ZRANB3: variants seen among roughly 807,000 people sequenced by gnomAD.
ZRANB3 encodes the protein zinc finger RANBP2-type containing 3.
Under a neutral mutation model 133.8 loss-of-function variants are expected in ZRANB3, and 125 were observed. The observed-to-expected ratio is 0.93, with a 90% CI of 0.81 to 1.08. The LOEUF (loss-of-function observed/expected upper bound fraction) is 1.08. ZRANB3 is among the 50% of genes least tolerant of loss of function. ZRANB3 has a pLI of 0.00. For missense variants in ZRANB3, 1,229 were observed against 1,275.5 expected, an observed-to-expected ratio of 0.96 and a Z score of 0.56; for synonymous variants, 387 against 432.7, an observed-to-expected ratio of 0.89 and a Z score of 1.31.
At chr2:135,418,262 G>A (rs193125908) in intron 2 of ZRANB3, among the ~76,000 whole-genome samples, 9 of 152,296 alleles carry the variant, frequency 5.9e-5, no homozygotes, top group African/African-American at 2.2e-4. Flanking sequence ...TGTAGGTTAT[G>A]TGCAAATACT....
At chr2:135,379,164 A>C (rs1277003426) in intron 3 of ZRANB3, among the ~76,000 whole-genome samples, 1 of 152,188 alleles carries the variant, frequency 6.6e-6, no homozygotes, top group Non-Finnish European at 1.5e-5. Flanking sequence ...AATTCTATAA[A>C]TCTAAAATTG....
chr2:135,275,596 T>C (rs1194056462), intron 9 of ZRANB3, 40 bp downstream of exon 9: 2 of 1,515,360 alleles, frequency 1.3e-6, no homozygotes, highest in South Asian at 1.3e-5. Context: ...AGTAAAAATA[T>C]GCATTCTAAA....
At chr2:135,448,529 G>C (rs1690130608) in intron 2 of ZRANB3, among the ~76,000 whole-genome samples, 1 of 152,074 alleles carries the variant, frequency 6.6e-6, no homozygotes, top group Non-Finnish European at 1.5e-5. Flanking sequence ...CAAAACACAA[G>C]AAATAGGAGT....
chr2:135,246,178 ACAGGT>A (rs1240749965), intron 12 of ZRANB3, among the ~76,000 whole-genome samples: 2 of 150,770 alleles, frequency 1.3e-5, no homozygotes, highest in Non-Finnish European at 2.9e-5. Context: ...TGCTGGGATT[ACAGGT>A]GTGAGCCACA....
rs555391811 is a variant in ZRANB3, at chr2:135,254,655, A to G, written c.1539+10879T>C. 1.7e-4 allele frequency among the ~76,000 whole-genome samples: 26 copies of G among 152,304 alleles called. No homozygotes were observed. The South Asian group carries it at 5.2e-3, about 30-fold the overall frequency. ...AAACAGCTTTATTGAGATATAATCC[A>G]TATACCATAAAATTCACCCTTTTAT... is the stretch of plus-strand genomic sequence containing the variant. On this transcript the variant is annotated intron_variant, in intron 12 of 20. Transcript: ENST00000264159.
intron 17 of ZRANB3, among the ~76,000 whole-genome samples, chr2:135,215,892 C>A (rs983913350): frequency 3.3e-5 from 5 of 152,138 alleles, no homozygotes; most frequent in African/African-American, 7.2e-5. Context: ...CCACTAGATA[C>A]CCCCTAGTCA....
chr2:135,504,595 A>C, intron 1 of ZRANB3, 99 bp from the exon 2 acceptor site: 1 of 1,084,758 alleles, frequency 9.2e-7, no homozygotes, highest in Non-Finnish European at 1.3e-6. Flanking sequence ...AGTACTTATA[A>C]ATAGCTTTGA....
chr2:135,386,791 A>G (rs1160231743), intron 3 of ZRANB3, among the ~76,000 whole-genome samples: 1 of 152,106 alleles, frequency 6.6e-6, no homozygotes, highest in African/African-American at 2.4e-5. Context: ...GAACTGAACA[A>G]TGACAACAAT....
chr2:135,414,304 C>T (rs1380151242), intron 2 of ZRANB3, among the ~76,000 whole-genome samples: 10 of 152,048 alleles, frequency 6.6e-5, no homozygotes, highest in Admixed American at 3.3e-4. Flanking sequence ...GGTTGCAATC[C>T]TAGTCTCGGA....
chr2:135,306,047 T>A (rs1682676932), intron 8 of ZRANB3, among the ~76,000 whole-genome samples: 1 of 152,238 alleles, frequency 6.6e-6, no homozygotes, highest in South Asian at 2.1e-4. Context: ...GACAACAATG[T>A]GCCTTGCAGA....
intron 12 of ZRANB3, among the ~76,000 whole-genome samples, chr2:135,239,214 A>C (rs1003713126): frequency 6.6e-6 from 1 of 152,270 alleles, no homozygotes; most frequent in South Asian, 2.1e-4. Flanking sequence ...ATTCATAAAA[A>C]CAGAAAGATT....
intron 5 of ZRANB3, among the ~76,000 whole-genome samples, 162 bp from the exon 6 acceptor site, chr2:135,345,797 G>A (rs761649388): frequency 4.0e-5 from 6 of 151,886 alleles, no homozygotes; most frequent in African/African-American, 4.8e-5. Flanking sequence ...ACCGTTATCT[G>A]TTGTATAAAT....
chr2:135,267,036 G>A (rs1680281719), intron 11 of ZRANB3, among the ~76,000 whole-genome samples: 1 of 152,124 alleles, frequency 6.6e-6, no homozygotes, highest in Non-Finnish European at 1.5e-5. Flanking sequence ...CAAGTTCTCA[G>A]AATCTCCTGG....
At chr2:135,363,605 A>G (rs1685789314) in intron 3 of ZRANB3, among the ~76,000 whole-genome samples, 1 of 152,232 alleles carries the variant, frequency 6.6e-6, no homozygotes, top group Non-Finnish European at 1.5e-5. Context: ...TTGAGAGCCC[A>G]ACACAGCACA....
chr2:135,289,806 G>A (rs1057028186), intron 8 of ZRANB3, among the ~76,000 whole-genome samples: 1 of 152,196 alleles, frequency 6.6e-6, no homozygotes, highest in Non-Finnish European at 1.5e-5. Flanking sequence ...GGGAGGCTGA[G>A]GCAGGAGAAT....
At chr2:135,452,658 C>G (rs1482765792) in intron 2 of ZRANB3, among the ~76,000 whole-genome samples, 1 of 152,180 alleles carries the variant, frequency 6.6e-6, no homozygotes, top group Non-Finnish European at 1.5e-5. Flanking sequence ...GCAGGGCAGT[C>G]AAATTTTAAA....
chr2:135,218,028 G>A (rs60541382), intron 16 of ZRANB3, among the ~76,000 whole-genome samples: 16,816 of 151,984 alleles, frequency 0.11, 1,187 homozygotes, highest in South Asian at 0.32. Flanking sequence ...GCCCAGGCTC[G>A]TCTTAAACTC....
intron 2 of ZRANB3, among the ~76,000 whole-genome samples, chr2:135,406,279 T>C (rs1182812959): frequency 2.0e-5 from 3 of 151,956 alleles, no homozygotes; most frequent in Non-Finnish European, 4.4e-5. Flanking sequence ...CAGGAAGAAG[T>C]TGAATCTCTG....
At chr2:135,217,956 G>A (rs1694379215) in intron 16 of ZRANB3, among the ~76,000 whole-genome samples, 1 of 152,130 alleles carries the variant, frequency 6.6e-6, no homozygotes, top group African/African-American at 2.4e-5. Flanking sequence ...GGGACTACAG[G>A]CACATGCCAC....
Sources: gnomAD v4.1 joint callset for allele counts (sites outside exome capture counted in the v4.1 genomes callset) on GRCh38, gnomAD v4.1.1 for gene constraint, MANE v1.5 for transcripts, NCBI Gene and HGNC (gene_info 2026-07-23, HGNC 2026-07-21) for gene names.